The following CPB2 variants were observed in gnomAD, a reference collection of about 807,000 sequenced individuals.
CPB2 encodes the protein carboxypeptidase B2.
Under a neutral mutation model 57.0 loss-of-function variants are expected in CPB2, and 54 were observed. That is an observed-to-expected ratio of 0.95 (90% confidence interval 0.76 to 1.19). CPB2 has a LOEUF of 1.19. CPB2 is among the 50% of genes most tolerant of loss of function. The pLI, the probability that CPB2 is intolerant of heterozygous loss-of-function variation, is 0.00. For synonymous variants in CPB2, 189 were observed against 178.1 expected (o/e 1.06, Z -0.49); for missense variants, 426 against 512.0 (o/e 0.83, Z 1.62).
chr13:46,104,745 A>G (rs2045473589), intron 1 of CPB2, among the ~76,000 whole-genome samples, 191 bp downstream of exon 1: 1 of 152,228 alleles, frequency 6.6e-6, no homozygotes, highest in African/African-American at 2.4e-5. Flanking sequence ...GAAAGAAAAA[A>G]GACCCTGTCT....
intron 1 of CPB2, among the ~76,000 whole-genome samples, chr13:46,103,968 G>A (rs2045465265): frequency 2.0e-5 from 3 of 152,218 alleles, no homozygotes; most frequent in African/African-American, 7.2e-5. Context: ...CTCGACATTC[G>A]ACAATCATGT....
intron 7 of CPB2, among the ~76,000 whole-genome samples, chr13:46,065,641 A>G (rs1479541317): frequency 6.6e-6 from 1 of 151,282 alleles, no homozygotes; most frequent in East Asian, 1.9e-4. Flanking sequence ...AAAAAAAAAA[A>G]AAAAAAAAAG....
At chr13:46,055,732 T>C in intron 10 of CPB2, 30 bp downstream of exon 10, 1 of 1,360,148 alleles carries the variant, frequency 7.4e-7, no homozygotes, top group Non-Finnish European at 1.0e-6. Context: ...TAGCTCAAAG[T>C]TCTCTAAGAT....
chr13:46,104,008 C>A (rs932795644), intron 1 of CPB2, among the ~76,000 whole-genome samples: 1 of 152,224 alleles, frequency 6.6e-6, no homozygotes, highest in African/African-American at 2.4e-5. Flanking sequence ...CAACTATAAT[C>A]AGTTCAGTGA....
At chr13:46,055,652 T>A in intron 10 of CPB2, 110 bp downstream of exon 10, 1 of 538,446 alleles carries the variant, frequency 1.9e-6, no homozygotes, top group East Asian at 3.0e-5. Flanking sequence ...TCAGTTGTAT[T>A]ACATGTGACC....
intron 9 of CPB2, among the ~76,000 whole-genome samples, chr13:46,057,375 G>T (rs959199465): frequency 1.5e-4 from 23 of 152,236 alleles, no homozygotes; most frequent in African/African-American, 4.8e-4. Flanking sequence ...CTCCTGTAAT[G>T]TGACTATATT....
chr13:46,071,329 A>G (rs1389317271), intron 6 of CPB2, among the ~76,000 whole-genome samples: 1 of 152,236 alleles, frequency 6.6e-6, no homozygotes, highest in East Asian at 1.9e-4. Context: ...GAGAGAAGAC[A>G]GGAAATTAAG....
chr13:46,090,748 G>C (rs2045281458), intron 1 of CPB2, among the ~76,000 whole-genome samples: 5 of 148,648 alleles, frequency 3.4e-5, no homozygotes, highest in Admixed American at 2.0e-4. Context: ...TTTTGAGACG[G>C]AGTCTCGCTC....
chr13:46,064,682 G>A lies in CPB2; in HGVS notation c.762C>T (p.Asp254=). Residue 254 remains aspartate (D), a synonymous_variant, in exon 8 of 11, where the codon GAC becomes GAT. Coordinates refer to ENST00000181383, the MANE Select transcript of CPB2 (RefSeq NM_001872.5). ...FYANNHCIGT[D]LNRNFASKHW... ...GTTTGGAAGCAAAGTTCCTATTCAG[G>A]TCTGTTCCGATGCAATGATTGTTCG... is the stretch of plus-strand genomic sequence containing the variant. 6.2e-7 allele frequency: 1 copy of A among 1,614,050 alleles called. No individual in the cohort carries two copies. Among genetic ancestry groups the A allele is most frequent in the South Asian group, 1.1e-5 (1 of 91,078 alleles).
At chr13:46,069,333 T>G (rs181304548) in intron 6 of CPB2, among the ~76,000 whole-genome samples, 2 of 152,344 alleles carry the variant, frequency 1.3e-5, no homozygotes, top group East Asian at 3.9e-4. Flanking sequence ...TAACAGCTTA[T>G]TGAGATATAA....
At chr13:46,058,055 C>A (rs1278261532) in intron 9 of CPB2, 124 bp downstream of exon 9, 10 of 744,924 alleles carry the variant, frequency 1.3e-5, no homozygotes, top group Non-Finnish European at 2.3e-5. Flanking sequence ...AGGATCACAC[C>A]ATGATTTAAA....
chr13:46,058,572 A>G (rs1320882551), intron 8 of CPB2, among the ~76,000 whole-genome samples, 191 bp from the exon 9 acceptor site: 1 of 152,230 alleles, frequency 6.6e-6, no homozygotes, highest in Non-Finnish European at 1.5e-5. Flanking sequence ...ATCTGCTCAC[A>G]TAGCTGACCT....
At chr13:46,060,989 T>C (rs1593883486) in intron 8 of CPB2, among the ~76,000 whole-genome samples, 1 of 152,072 alleles carries the variant, frequency 6.6e-6, no homozygotes, top group East Asian at 1.9e-4. Flanking sequence ...GGCAAATTCA[T>C]AGAGACAGAA....
chr13:46,089,783 C>G (rs1204406902), intron 1 of CPB2, among the ~76,000 whole-genome samples: 1 of 152,072 alleles, frequency 6.6e-6, no homozygotes, highest in Non-Finnish European at 1.5e-5. Flanking sequence ...GAAGATAGTC[C>G]CTCCCCAAAC....
intron 6 of CPB2, among the ~76,000 whole-genome samples, chr13:46,068,196 C>A (rs909733067): frequency 1.3e-5 from 2 of 152,154 alleles, no homozygotes; most frequent in African/African-American, 2.4e-5. Context: ...TAATTTAATT[C>A]ACATTTAATT....
chr13:46,087,731 TAGG>T lies in CPB2; in HGVS notation c.150+11_150+13del. 1.3e-6 allele frequency: 2 copies of T among 1,562,976 alleles called. No individual in the cohort carries two copies. Among genetic ancestry groups the T allele is most frequent in the Non-Finnish European group, 8.8e-7 (1 of 1,137,892 alleles). Reference sequence around the variant, plus strand: ...AAGTGAAACCAATATAAACATAAATTAGGGAGAAATTACCTCATATGTTGTAGT... The same window carrying T: ...AAGTGAAACCAATATAAACATAAATTGAGAAATTACCTCATATGTTGTAGT... On this transcript the variant is annotated intron_variant, in intron 2 of 10. Coordinates refer to ENST00000181383, the MANE Select transcript of CPB2 (RefSeq NM_001872.5).
intron 8 of CPB2, among the ~76,000 whole-genome samples, chr13:46,060,493 A>T (rs1490085445): frequency 6.6e-6 from 1 of 152,118 alleles, no homozygotes; most frequent in African/African-American, 2.4e-5. Flanking sequence ...AATATGTGAG[A>T]TTAATTCAAT....
intron 4 of CPB2, among the ~76,000 whole-genome samples, chr13:46,081,740 A>G (rs2045121632): frequency 6.6e-6 from 1 of 152,172 alleles, no homozygotes; most frequent in African/African-American, 2.4e-5. Flanking sequence ...GCATCAAGGT[A>G]TTTTTACTAC....
intron 3 of CPB2, among the ~76,000 whole-genome samples, chr13:46,083,829 CT>C (rs1380297814): frequency 1.2e-4 from 18 of 152,276 alleles, no homozygotes; most frequent in South Asian, 1.0e-3. Flanking sequence ...TGGTCACTGT[CT>C]TTGTGAAGAA....
Sources: allele counts gnomAD v4.1 joint callset (sites outside exome capture counted in the v4.1 genomes callset), GRCh38; gene constraint gnomAD v4.1.1; transcripts MANE v1.5; gene names NCBI Gene and HGNC (gene_info 2026-07-23, HGNC 2026-07-21).